Variants in TFDP1 observed in about 807,000 individuals in gnomAD.
TFDP1 encodes the protein transcription factor Dp-1, also known as DRTF1-polypeptide 1.
TFDP1 carries 6 observed loss-of-function variants against 48.0 expected under a neutral mutation model. The ratio of observed to expected loss-of-function variants is 0.13; its 90% CI spans 0.07 to 0.25. TFDP1 has a LOEUF of 0.25. Ranked by LOEUF, TFDP1 falls within the 10% of genes least tolerant of loss-of-function variation. The pLI, the probability that TFDP1 is intolerant of heterozygous loss-of-function variation, is 1.00. For synonymous variants in TFDP1, 201 were observed against 211.6 expected (o/e 0.95, Z 0.44); for missense variants, 335 against 543.0 (o/e 0.62, Z 3.81).
At chr13:113,618,925 C>T (rs1210284491) in intron 3 of TFDP1, among the ~76,000 whole-genome samples, 3 of 152,292 alleles carry the variant, frequency 2.0e-5, no homozygotes, top group Non-Finnish European at 1.5e-5. Context: ...CAAAAACAAT[C>T]ATTTATAGCC....
chr13:113,602,347 G>A (rs1457147028), intron 2 of TFDP1, among the ~76,000 whole-genome samples: 2 of 152,080 alleles, frequency 1.3e-5, no homozygotes, highest in Non-Finnish European at 2.9e-5. Context: ...TGCAGGAGTC[G>A]AGAGGGGAGC....
intron 1 of TFDP1, 46 bp downstream of exon 1, chr13:113,584,934 G>T (rs1393205832): frequency 6.8e-6 from 1 of 146,300 alleles, no homozygotes; most frequent in Non-Finnish European, 1.5e-5. Context: ...GCGGGAGCCG[G>T]GGGTGCGGGC....
intron 2 of TFDP1, among the ~76,000 whole-genome samples, chr13:113,608,212 C>T (rs1431301579): frequency 1.3e-5 from 2 of 152,200 alleles, no homozygotes; most frequent in Non-Finnish European, 2.9e-5. Context: ...CTGCCCCCGC[C>T]AACAGAAAAA....
At chr13:113,638,012 G>A in intron 11 of TFDP1, 116 bp downstream of exon 11, 1 of 1,397,102 alleles carries the variant, frequency 7.2e-7, no homozygotes, top group South Asian at 1.4e-5. Flanking sequence ...GCTCTGACGT[G>A]GCTTGTCTGT....
At chr13:113,622,227 G>C (rs2049012208) in intron 3 of TFDP1, among the ~76,000 whole-genome samples, 1 of 152,202 alleles carries the variant, frequency 6.6e-6, no homozygotes, top group Non-Finnish European at 1.5e-5. Context: ...CGACTTGGTG[G>C]TAGTGGTCCC....
chr13:113,596,642 G>A (rs117056704), intron 2 of TFDP1, among the ~76,000 whole-genome samples: 2,403 of 152,278 alleles, frequency 0.016, 54 homozygotes, highest in Admixed American at 0.048. Context: ...CGGTGGAGTC[G>A]GCTAGCCACG....
intron 3 of TFDP1, among the ~76,000 whole-genome samples, chr13:113,620,194 C>T (rs576612440): frequency 2.0e-5 from 3 of 152,316 alleles, no homozygotes; most frequent in East Asian, 1.9e-4. Flanking sequence ...CCGGATGCCC[C>T]GAGGGTCTCA....
At chr13:113,589,738 G>C (rs76965920) in intron 2 of TFDP1, among the ~76,000 whole-genome samples, 2 of 152,218 alleles carry the variant, frequency 1.3e-5, no homozygotes, top group Non-Finnish European at 2.9e-5. Context: ...CCCTTGTCAC[G>C]AGTCAGTCCA....
chr13:113,591,530 A>G (rs1350650695), intron 2 of TFDP1, among the ~76,000 whole-genome samples: 2 of 152,032 alleles, frequency 1.3e-5, no homozygotes, highest in East Asian at 1.9e-4. Flanking sequence ...AGAATTGGAA[A>G]CCTCACCTTT....
chr13:113,591,033 AAAAG>A (rs1310758561), intron 2 of TFDP1, among the ~76,000 whole-genome samples: 1 of 148,000 alleles, frequency 6.8e-6, no homozygotes, highest in Non-Finnish European at 1.5e-5. Flanking sequence ...AAAAAAAAGA[AAAAG>A]AAAATTATAG....
chr13:113,594,545 G>GCA (rs1182387169), intron 2 of TFDP1, among the ~76,000 whole-genome samples: 7 of 149,182 alleles, frequency 4.7e-5, no homozygotes, highest in African/African-American at 1.8e-4. Flanking sequence ...TGCTGTGTGT[G>GCA]GGTCCTCTGC....
intron 2 of TFDP1, among the ~76,000 whole-genome samples, chr13:113,605,915 G>C (rs1433754033): frequency 1.5e-5 from 2 of 129,328 alleles, no homozygotes; most frequent in African/African-American, 6.9e-5. Context: ...GCGGTGATGA[G>C]TGTCCATAGG....
At chr13:113,613,780 T>G (rs1210493868) in intron 3 of TFDP1, among the ~76,000 whole-genome samples, 1 of 151,676 alleles carries the variant, frequency 6.6e-6, no homozygotes, top group Non-Finnish European at 1.5e-5. Context: ...GAGGAGTGCT[T>G]ATCAGTGCAT....
chr13:113,584,833 G>GCTCCGCACCGCGCCCT lies in TFDP1; in HGVS notation c.-113_-98dup, dbSNP rs1277468445. On this transcript the variant is annotated 5_prime_UTR_variant, in exon 1 of 12. Coordinates refer to ENST00000375370, the MANE Select transcript of TFDP1 (RefSeq NM_007111.5). ...CCCGCGCCTCTCCGCGCCGCCCCGCGCTCCGCACCGCGCCCTCTCCGCGTC... is the reference window on the plus strand; with the variant it reads ...CCCGCGCCTCTCCGCGCCGCCCCGCGCTCCGCACCGCGCCCTCTCCGCACCGCGCCCTCTCCGCGTC... 4.8e-5 allele frequency: 7 copies of GCTCCGCACCGCGCCCT among 146,018 alleles called. No individual in the cohort carries two copies. Among genetic ancestry groups the GCTCCGCACCGCGCCCT allele is most frequent in the Non-Finnish European group, 9.1e-5 (6 of 65,790 alleles). 9.0% of individuals were successfully genotyped at this position (146,018 alleles called of 1,614,324 possible). A position where few individuals can be genotyped will look rare whatever the true frequency, so the allele number is the denominator to read the frequency against.
chr13:113,631,873 A>T, intron 5 of TFDP1, 129 bp downstream of exon 5: 3 of 1,290,656 alleles, frequency 2.3e-6, no homozygotes, highest in Non-Finnish European at 3.2e-6. Flanking sequence ...CCAGCCTCCG[A>T]ATCACACTCA....
At chr13:113,595,725 C>G (rs1405031103) in intron 2 of TFDP1, among the ~76,000 whole-genome samples, 1 of 152,246 alleles carries the variant, frequency 6.6e-6, no homozygotes, top group Non-Finnish European at 1.5e-5. Flanking sequence ...GCTTTCAGCA[C>G]AGTGTGAGGT....
At chr13:113,631,458 C>T (rs551793702) in intron 4 of TFDP1, among the ~76,000 whole-genome samples, 165 bp from the exon 5 acceptor site, 2 of 152,092 alleles carry the variant, frequency 1.3e-5, no homozygotes, top group African/African-American at 2.4e-5. Context: ...ATGCCGTCAC[C>T]GTGACAAAAG....
In TFDP1 at chr13:113,634,556, A is replaced by G; in HGVS notation, c.641A>G (p.Glu214Gly). 6.2e-7 allele frequency: 1 copy of G among 1,613,848 alleles called. No individual in the cohort carries two copies. Among genetic ancestry groups the G allele is most frequent in the Non-Finnish European group, 8.5e-7 (1 of 1,179,876 alleles). ...AAGGTGGAAAGACAGAGGAGACTTG[A>G]AAGAATAAAACAGAAACAGTCTCAA... ...NLEVERQRRL[E>G]RIKQKQSQLQ... Residue 214 changes from glutamate (E) to glycine (G), a missense_variant, in exon 8 of 12, where the codon GAA becomes GGA. Transcript: ENST00000375370.
chr13:113,631,878 C>T (rs1470324411), intron 5 of TFDP1, 134 bp downstream of exon 5: 1 of 1,268,300 alleles, frequency 7.9e-7, no homozygotes, highest in Non-Finnish European at 1.1e-6. Context: ...CTCCGAATCA[C>T]ACTCACCCAT....
Sources: allele counts gnomAD v4.1 joint callset (sites outside exome capture counted in the v4.1 genomes callset), GRCh38; gene constraint gnomAD v4.1.1; transcripts MANE v1.5; gene names NCBI Gene and HGNC (gene_info 2026-07-23, HGNC 2026-07-21).